RNF212B: variants seen among roughly 807,000 people sequenced by gnomAD.
RNF212B encodes ring finger protein 212B.
Under a neutral mutation model 55.5 loss-of-function variants are expected in RNF212B, and 52 were observed. The observed-to-expected ratio is 0.94, with a 90% CI of 0.75 to 1.18. The LOEUF is 1.18. RNF212B is among the 50% of genes most tolerant of loss of function. The probability of loss-of-function intolerance (pLI) is 0.00; values close to 1 mark genes in which losing one functional copy is unlikely to be tolerated. For missense variants in RNF212B, 289 were observed against 350.4 expected, an observed-to-expected ratio of 0.82 and a Z score of 1.40; for synonymous variants, 99 against 121.4, an observed-to-expected ratio of 0.82 and a Z score of 1.21.
At chr14:23,204,237 C>CCAACTATT (rs1296411864) in intron 2 of RNF212B, among the ~76,000 whole-genome samples, 2 of 152,140 alleles carry the variant, frequency 1.3e-5, no homozygotes, top group Non-Finnish European at 2.9e-5. Context: ...TAATTAAGTC[C>CCAACTATT]CAACTATTTA....
At chr14:23,237,311 G>T (rs538277620), upstream of RNF212B, among the ~76,000 whole-genome samples, 3 of 152,136 alleles carry the variant, frequency 2.0e-5, no homozygotes, top group South Asian at 4.2e-4. Context: ...TGTATTTTTA[G>T]TAGAAGCGGG....
intron 2 of RNF212B, among the ~76,000 whole-genome samples, chr14:23,222,982 A>C (rs1385463064): frequency 6.8e-6 from 1 of 147,304 alleles, no homozygotes; most frequent in African/African-American, 2.5e-5. Context: ...TGAACCTGGG[A>C]GGCAAAGGTT....
chr14:23,215,712 T>G (rs1204383168), intron 2 of RNF212B, among the ~76,000 whole-genome samples: 2 of 152,112 alleles, frequency 1.3e-5, no homozygotes. Flanking sequence ...AGATGTACCC[T>G]AAAAGAATGG....
intron 1 of RNF212B, among the ~76,000 whole-genome samples, chr14:23,186,411 C>T (rs953149455): frequency 3.3e-5 from 5 of 151,018 alleles, no homozygotes; most frequent in Admixed American, 6.6e-5. Context: ...GGTGCGATCT[C>T]GGCTCTCGGC....
At chr14:23,268,144 A>C (rs1164683228) in intron 11 of RNF212B, among the ~76,000 whole-genome samples, 1 of 152,116 alleles carries the variant, frequency 6.6e-6, no homozygotes, top group Non-Finnish European at 1.5e-5. Context: ...AGTCCTGGTG[A>C]ACTTGAGCTC....
intron 4 of RNF212B, among the ~76,000 whole-genome samples, chr14:23,256,428 G>C (rs1199518473): frequency 6.6e-6 from 1 of 151,082 alleles, no homozygotes; most frequent in Non-Finnish European, 1.5e-5. Flanking sequence ...CTGGAGTGCA[G>C]TGGTGCAATC....
chr14:23,264,818 GTTT>G (rs35272583), intron 11 of RNF212B, 147 bp downstream of exon 11: 1,196 of 268,786 alleles, frequency 4.4e-3, no homozygotes, highest in East Asian at 5.9e-3. Flanking sequence ...ATATTACAAG[GTTT>G]TTTTTTTTTT....
intron 2 of RNF212B, among the ~76,000 whole-genome samples, chr14:23,210,049 G>A (rs1880327424): frequency 6.6e-6 from 1 of 152,224 alleles, no homozygotes; most frequent in Non-Finnish European, 1.5e-5. Flanking sequence ...TACTGGGGAG[G>A]CTGAGGCAGG....
In RNF212B at chr14:23,189,647, TA is replaced by T. The variant is rs112744416; in HGVS notation, c.-78-3666del. Among the ~76,000 whole-genome samples, 69 of 145,214 alleles carry T rather than the reference TA, an allele frequency of 4.8e-4. 1 individual carries two copies. Among genetic ancestry groups the T allele is most frequent in the East Asian group, 8.0e-4 (4 of 5,000 alleles). ...GCAAAACCTTGTTTCTACTAAAAATTAAAAAAAAAAAATTAGCTGGGTGTGG... is the reference window on the plus strand; with the variant it reads ...GCAAAACCTTGTTTCTACTAAAAATTAAAAAAAAAAATTAGCTGGGTGTGG... On this transcript the variant is annotated intron_variant, in intron 1 of 15. Coordinates refer to the RNF212B transcript ENST00000399910.
At chr14:23,223,589 C>T (rs540795246) in intron 2 of RNF212B, among the ~76,000 whole-genome samples, 1 of 152,102 alleles carries the variant, frequency 6.6e-6, no homozygotes, top group East Asian at 1.9e-4. Context: ...TCTCCTGACC[C>T]CGTGATCTGC....
At chr14:23,271,919 AGTTAT>A (rs1886117276) in intron 14 of RNF212B, among the ~76,000 whole-genome samples, 1 of 152,174 alleles carries the variant, frequency 6.6e-6, no homozygotes, top group South Asian at 2.1e-4. Context: ...ATGATATCGT[AGTTAT>A]GTTTTTAAAA....
At chr14:23,227,075 A>C (rs1392093438) in intron 2 of RNF212B, among the ~76,000 whole-genome samples, 1 of 152,026 alleles carries the variant, frequency 6.6e-6, no homozygotes. Flanking sequence ...GGATGGTACC[A>C]ATGTCAATTT....
chr14:23,198,251 A>T (rs1878928389), intron 2 of RNF212B, among the ~76,000 whole-genome samples: 1 of 152,238 alleles, frequency 6.6e-6, no homozygotes, highest in African/African-American at 2.4e-5. Context: ...TATCTCAATA[A>T]GCACCTCTGA....
chr14:23,234,769 C>G (rs555278412), upstream of RNF212B, among the ~76,000 whole-genome samples: 3 of 152,304 alleles, frequency 2.0e-5, no homozygotes, highest in African/African-American at 7.2e-5. Context: ...CCAGTGAAAA[C>G]TTTTATTTAA....
intron 1 of RNF212B, among the ~76,000 whole-genome samples, chr14:23,191,447 T>C (rs1408215377): frequency 6.6e-6 from 1 of 150,964 alleles, no homozygotes; most frequent in African/African-American, 2.5e-5. Context: ...AATTTGTTTG[T>C]TTGTTTGTTC....
chr14:23,213,086 G>T (rs955754524), intron 2 of RNF212B, among the ~76,000 whole-genome samples: 3 of 152,028 alleles, frequency 2.0e-5, no homozygotes, highest in African/African-American at 7.2e-5. Context: ...GCCGAGGTGG[G>T]CATATCACAA....
intron 1 of RNF212B, among the ~76,000 whole-genome samples, chr14:23,191,435 A>G (rs1878113742): frequency 6.6e-6 from 1 of 151,562 alleles, no homozygotes; most frequent in Non-Finnish European, 1.5e-5. Flanking sequence ...ATTACTTAAC[A>G]TAATTTGTTT....
intron 2 of RNF212B, among the ~76,000 whole-genome samples, chr14:23,227,511 C>A (rs1815640609): frequency 6.6e-6 from 1 of 152,040 alleles, no homozygotes; most frequent in Non-Finnish European, 1.5e-5. Context: ...AAGAAATAGG[C>A]ATACTTCTGT....
At chr14:23,208,922 C>T (rs755122389) in intron 2 of RNF212B, among the ~76,000 whole-genome samples, 13 of 151,456 alleles carry the variant, frequency 8.6e-5, no homozygotes, top group Non-Finnish European at 1.6e-4. Context: ...CTACGCCTGG[C>T]TAATTTTTTG....
Sources: gnomAD v4.1 joint callset for allele counts (sites outside exome capture counted in the v4.1 genomes callset) on GRCh38, gnomAD v4.1.1 for gene constraint, MANE v1.5 for transcripts, NCBI Gene and HGNC (gene_info 2026-07-23, HGNC 2026-07-21) for gene names.